The following DCBLD1 variants were observed in gnomAD, a reference collection of about 807,000 sequenced individuals.
DCBLD1 encodes the protein discoidin, CUB and LCCL domain-containing protein 1.
DCBLD1 carries 57 observed loss-of-function variants against 71.5 expected under a neutral mutation model. The ratio of observed to expected loss-of-function variants is 0.80; its 90% CI spans 0.64 to 0.99. The LOEUF is 0.99. Among genes scored for constraint, DCBLD1 ranks in the 50% least tolerant of loss-of-function variants. The probability of loss-of-function intolerance (pLI) is 0.00; values close to 1 mark genes in which losing one functional copy is unlikely to be tolerated. For synonymous variants in DCBLD1, 380 were observed against 363.8 expected (o/e 1.04, Z -0.51); for missense variants, 891 against 923.5 (o/e 0.96, Z 0.46).
In DCBLD1 at chr6:117,482,751, C is replaced by T; in HGVS notation, c.-31C>T. 8.9e-7 allele frequency: 1 copy of T among 1,125,524 alleles called. No individual in the cohort carries two copies. Among genetic ancestry groups the T allele is most frequent in the Non-Finnish European group, 1.1e-6 (1 of 920,404 alleles). The allele number at this position is 1,125,524 out of a possible 1,614,324, so 69.7% of individuals were successfully genotyped here. On this transcript the variant is annotated 5_prime_UTR_variant, in exon 1 of 15. Transcript: ENST00000338728. ...GGCTCGGGATCCGTCGAGGGGAGGC[C>T]GAGCTTGCCAAGCTGGCGCCCAGCG...
At chr6:117,560,023 A>AATT (rs1466752648) in intron 14 of DCBLD1, among the ~76,000 whole-genome samples, 1 of 152,226 alleles carries the variant, frequency 6.6e-6, no homozygotes, top group Non-Finnish European at 1.5e-5. Context: ...ATTTTCCAAA[A>AATT]ATTATTTTAC....
intron 14 of DCBLD1, among the ~76,000 whole-genome samples, chr6:117,567,193 G>A (rs1454336420): frequency 1.3e-5 from 2 of 152,166 alleles, no homozygotes; most frequent in African/African-American, 4.8e-5. Context: ...AAGAGGTAGT[G>A]AGGCCATCAT....
rs1231544944 is a variant in DCBLD1 at position 117,540,918 on chromosome 6, G to A, written c.1250G>A (p.Gly417Asp). The change falls in exon 11 of 15, where the codon GGT becomes GAT. Residue 417 changes from glycine (G) to aspartate (D), a missense_variant and splice_region_variant. By Grantham distance (94) the Gly-to-Asp change is moderately conservative (BLOSUM62 -1). Coordinates refer to ENST00000338728, the MANE Select transcript of DCBLD1 (RefSeq NM_001366458.2). ...VELIGCQITQ[G>D]NDSLVWRKTS... ...TTTCCCGACATCCCTCCTCTCTCAGGTAATGATTCATTGGTGTGGCGCAAG... is the reference window on the plus strand; with the variant it reads ...TTTCCCGACATCCCTCCTCTCTCAGATAATGATTCATTGGTGTGGCGCAAG... 6.2e-7 allele frequency: 1 copy of A among 1,614,072 alleles called. No individual in the cohort carries two copies.
At chr6:117,566,948 T>A in intron 14 of DCBLD1, 1 of 1,611,852 alleles carries the variant, frequency 6.2e-7, no homozygotes, top group Non-Finnish European at 8.5e-7. Flanking sequence ...GGTAACGATG[T>A]CCACTCTCAT....
chr6:117,528,749 T>A lies in DCBLD1; in HGVS notation c.585+3315T>A, dbSNP rs552281368. Among the ~76,000 whole-genome samples, 8 of 152,366 alleles carry A rather than the reference T, an allele frequency of 5.3e-5. No homozygotes were observed. The East Asian group carries it at 9.6e-4, about 18-fold the overall frequency. Reference sequence around the variant, plus strand: ...ACATTTACATTATTCTGTTTAAGTATATTTTGTTTAAGATAATTTACTAAT... The same window carrying A: ...ACATTTACATTATTCTGTTTAAGTAAATTTTGTTTAAGATAATTTACTAAT... On this transcript the variant is annotated intron_variant, in intron 5 of 14. Coordinates refer to ENST00000338728, the MANE Select transcript of DCBLD1 (RefSeq NM_001366458.2).
intron 14 of DCBLD1, among the ~76,000 whole-genome samples, chr6:117,568,149 G>A (rs529311139): frequency 2.0e-5 from 3 of 152,046 alleles, no homozygotes; most frequent in East Asian, 1.9e-4. Context: ...GCAGTGGTCC[G>A]TAATTGTGCC....
rs1779649239 is a variant in DCBLD1 at position 117,564,286 on chromosome 6, T to C, written c.1616-5334T>C. The stretch of plus-strand genomic sequence containing the variant: ...CCACCATCAAGCTGTCTGTAAGACT[T>C]AGAAGTAATACATATAATTGTAAAA... On this transcript the variant is annotated intron_variant, in intron 14 of 14. Coordinates refer to the DCBLD1 transcript ENST00000296955. Among the ~76,000 whole-genome samples the C allele has an allele frequency of 2.0e-5, 3 of 152,230 alleles. No individual in the cohort carries two copies. In the South Asian group the frequency reaches 6.2e-4, roughly 31 times the overall value.
chr6:117,523,336 C>G (rs1239080787), intron 4 of DCBLD1, among the ~76,000 whole-genome samples: 2 of 152,150 alleles, frequency 1.3e-5, no homozygotes, highest in Non-Finnish European at 2.9e-5. Context: ...GTTTTGAAAG[C>G]CTTTTGTAAC....
At chr6:117,505,401 A>ATGCAAAGTGC (rs1777806415) in intron 2 of DCBLD1, among the ~76,000 whole-genome samples, 1 of 152,128 alleles carries the variant, frequency 6.6e-6, no homozygotes, top group South Asian at 2.1e-4. Context: ...GTGAAAAGTG[A>ATGCAAAGTGC]TGCAAAGTGC....
rs149251930 is a variant in DCBLD1 at position 117,491,527 on chromosome 6, A to G, written c.112+8634A>G. 3.9e-3 allele frequency among the ~76,000 whole-genome samples: 600 copies of G among 152,194 alleles called. 6 individuals are homozygous for G. Among genetic ancestry groups the G allele is most frequent in the African/African-American group, 0.013 (545 of 41,522 alleles). Reference sequence around the variant, plus strand: ...TTAAGGATTTCTTGACTTTTTTCCTATTTCATTTGAATCTCTAAATATTTT... The same window carrying G: ...TTAAGGATTTCTTGACTTTTTTCCTGTTTCATTTGAATCTCTAAATATTTT... On this transcript the variant is annotated intron_variant, in intron 1 of 14. Coordinates refer to ENST00000338728, the MANE Select transcript of DCBLD1 (RefSeq NM_001366458.2).
chr6:117,507,142 C>G (rs1473893517), intron 2 of DCBLD1, among the ~76,000 whole-genome samples: 1 of 152,178 alleles, frequency 6.6e-6, no homozygotes, highest in Admixed American at 6.5e-5. Context: ...TTACATTAAC[C>G]ATTGTGAATA....
rs748397494 is a variant in DCBLD1 at position 117,569,564 on chromosome 6, G to A, written c.1616-56G>A. 3.1e-5 allele frequency: 50 copies of A among 1,611,538 alleles called. No individual in the cohort carries two copies. The Admixed American group carries it at 6.4e-4, about 21-fold the overall frequency. ...AGATCCAGTTCTAATTACATGAAGG[G>A]AATTTACCTGCTGAGAAAGAATAGT... is the stretch of plus-strand genomic sequence containing the variant. On this transcript the variant is annotated intron_variant, in intron 14 of 14. Transcript: ENST00000296955.
rs564141262 is a variant in DCBLD1, at chr6:117,537,390, C to T, written c.760+165C>T. On this transcript the variant is annotated intron_variant, in intron 7 of 14. Transcript: ENST00000338728. ...TCTACTAAAAATACAAAAAATTAGCCGGGCCTGGTGGGGGGCGCCTGTAGT... is the reference window on the plus strand; with the variant it reads ...TCTACTAAAAATACAAAAAATTAGCTGGGCCTGGTGGGGGGCGCCTGTAGT... Among the ~76,000 whole-genome samples, 29 of 151,770 alleles carry T rather than the reference C, an allele frequency of 1.9e-4. 1 individual carries two copies. In the East Asian group the frequency reaches 3.1e-3, roughly 16 times the overall value.
At chr6:117,510,764 A>G (rs1403113338) in intron 2 of DCBLD1, among the ~76,000 whole-genome samples, 2 of 152,166 alleles carry the variant, frequency 1.3e-5, no homozygotes, top group African/African-American at 4.8e-5. Flanking sequence ...AGATTCCTCT[A>G]TAAACATTCC....
chr6:117,554,998 T>G (rs1253233772), intron 14 of DCBLD1, among the ~76,000 whole-genome samples: 1 of 152,168 alleles, frequency 6.6e-6, no homozygotes, highest in Non-Finnish European at 1.5e-5. Flanking sequence ...TTTCTTCCCT[T>G]TTTTGGTTCT....
At chr6:117,567,082 T>C (rs767936822) in intron 14 of DCBLD1, 7 of 1,411,162 alleles carry the variant, frequency 5.0e-6, no homozygotes, top group South Asian at 1.5e-5. Context: ...GTAATTGTAA[T>C]TTAAAAAGGA....
chr6:117,540,319 G>A (rs908485164), intron 9 of DCBLD1: 31 of 201,082 alleles, frequency 1.5e-4, no homozygotes, highest in East Asian at 4.5e-4. Flanking sequence ...ATGAGAATTC[G>A]GAAGGAAATG....
intron 1 of DCBLD1, among the ~76,000 whole-genome samples, chr6:117,486,910 G>A (rs944493889): frequency 2.0e-5 from 3 of 152,084 alleles, no homozygotes; most frequent in Non-Finnish European, 4.4e-5. Flanking sequence ...CAGATCAGCC[G>A]GGCATTAGAT....
Position 117,482,887 on chromosome 6 carries a change from G to A in DCBLD1, c.106G>A (p.Glu36Lys). ...CGCCCCGCTCCGGCTGCAGGCGGAG[G>A]AGCTGGGTGAGTGGAGCGCGTCCGG... ...VSAPLRLQAE[E>K]LGDGCGHLVT... Residue 36 changes from glutamate (E) to lysine (K), a missense_variant, in exon 1 of 15, where the codon GAG (glutamate) becomes AAG (lysine). Coordinates refer to ENST00000338728, the MANE Select transcript of DCBLD1 (RefSeq NM_001366458.2). 1.7e-6 allele frequency: 2 copies of A among 1,197,378 alleles called. No individual in the cohort carries two copies. The highest frequency in any genetic ancestry group is 2.1e-6 in the Non-Finnish European group (2 of 962,946). The allele number at this position is 1,197,378 out of a possible 1,614,324, so 74.2% of individuals were successfully genotyped here.
Sources: allele counts gnomAD v4.1 joint callset (sites outside exome capture counted in the v4.1 genomes callset), GRCh38; gene constraint gnomAD v4.1.1; transcripts MANE v1.5; gene names NCBI Gene and HGNC (gene_info 2026-07-23, HGNC 2026-07-21).